Variants in TMEM108 observed in about 807,000 individuals in gnomAD.
TMEM108 encodes the protein transmembrane protein 108, also known as cancer/testis antigen 124.
TMEM108 carries 12 observed loss-of-function variants against 35.1 expected under a neutral mutation model. The ratio of observed to expected loss-of-function variants is 0.34; its 90% CI spans 0.22 to 0.55. The LOEUF is 0.55. Ranked by LOEUF, TMEM108 falls within the 20% of genes least tolerant of loss-of-function variation. TMEM108 has a pLI of 0.89. For synonymous variants in TMEM108, 287 were observed against 308.6 expected (o/e 0.93, Z 0.73); for missense variants, 680 against 753.3 (o/e 0.90, Z 1.14).
intron 4 of TMEM108, chr3:133,388,468 A>C (rs2073186966): frequency 1.0e-6 from 1 of 985,290 alleles, no homozygotes; most frequent in South Asian, 4.7e-5. Context: ...CCATCTGAAG[A>C]AAGGGTTTTT....
In TMEM108 at chr3:133,169,984, T is replaced by C. The variant is rs1945105903; in HGVS notation, c.-46-59282T>C. On this transcript the variant is annotated intron_variant, in intron 2 of 5. Transcript: ENST00000321871. ...TTTATTTTCTTGGGTTCATTAACAA[T>C]GCATTCATTATTTCAGTACTGCTCT... Among the ~76,000 whole-genome samples, 3 of 152,298 alleles carry C rather than the reference T, an allele frequency of 2.0e-5. No individual in the cohort carries two copies. In the South Asian group the frequency reaches 6.2e-4, roughly 32 times the overall value.
intron 2 of TMEM108, among the ~76,000 whole-genome samples, chr3:133,103,693 T>C (rs1431904814): frequency 6.6e-6 from 1 of 152,186 alleles, no homozygotes; most frequent in Non-Finnish European, 1.5e-5. Context: ...CAGAATCCGC[T>C]TTCTGGGCCT....
chr3:133,334,433 T>C (rs2071451815), intron 3 of TMEM108, among the ~76,000 whole-genome samples: 1 of 152,158 alleles, frequency 6.6e-6, no homozygotes, highest in Non-Finnish European at 1.5e-5. Context: ...GCTGAGCTTT[T>C]AAAAAATTGA....
intron 3 of TMEM108, among the ~76,000 whole-genome samples, chr3:133,251,673 G>A (rs1300439378): frequency 6.6e-6 from 1 of 152,114 alleles, no homozygotes. Context: ...CTGACTAGAA[G>A]TGATACATAT....
chr3:133,051,479 G>A (rs905282997), intron 2 of TMEM108, among the ~76,000 whole-genome samples: 2 of 151,788 alleles, frequency 1.3e-5, no homozygotes, highest in East Asian at 3.9e-4. Context: ...TTATTCTCTT[G>A]ACCTGATGTT....
chr3:133,073,767 A>T (rs1001374097), intron 2 of TMEM108, among the ~76,000 whole-genome samples: 54 of 151,904 alleles, frequency 3.6e-4, no homozygotes, highest in African/African-American at 1.2e-3. Context: ...ATTAATTTAC[A>T]TTCCCACCAA....
chr3:133,224,195 C>T (rs1468892904), intron 2 of TMEM108, among the ~76,000 whole-genome samples: 1 of 152,128 alleles, frequency 6.6e-6, no homozygotes, highest in Non-Finnish European at 1.5e-5. Flanking sequence ...TTATTGAATG[C>T]CTACCACATT....
At chr3:133,313,255 T>C (rs1044161507) in intron 3 of TMEM108, among the ~76,000 whole-genome samples, 13 of 151,892 alleles carry the variant, frequency 8.6e-5, no homozygotes, top group African/African-American at 3.1e-4. Flanking sequence ...TGGAGTGCAG[T>C]GGTGCGATCT....
chr3:133,116,699 T>C (rs1233498107), intron 2 of TMEM108, among the ~76,000 whole-genome samples: 1 of 152,226 alleles, frequency 6.6e-6, no homozygotes, highest in Admixed American at 6.5e-5. Context: ...CCAAGCGCTC[T>C]TGTTGTCAAC....
chr3:133,322,152 C>T (rs6775585), intron 3 of TMEM108, among the ~76,000 whole-genome samples: 48,791 of 151,694 alleles, frequency 0.32, 8,580 homozygotes, highest in East Asian at 0.48. Context: ...AACCCAAACC[C>T]GGCAGAAGAA....
chr3:133,267,080 CAAA>C (rs567345267), intron 3 of TMEM108, among the ~76,000 whole-genome samples: 3 of 115,910 alleles, frequency 2.6e-5, no homozygotes. Flanking sequence ...GACTCCACCT[CAAA>C]AAAAAAAAAA....
intron 2 of TMEM108, among the ~76,000 whole-genome samples, chr3:133,138,466 C>T (rs1944595664): frequency 6.6e-6 from 1 of 152,150 alleles, no homozygotes. Flanking sequence ...AACACAAATC[C>T]ATAAACTTTC....
intron 1 of TMEM108, among the ~76,000 whole-genome samples, chr3:133,045,130 G>A (rs941816459): frequency 6.6e-6 from 1 of 152,046 alleles, no homozygotes; most frequent in Non-Finnish European, 1.5e-5. Flanking sequence ...ACCATGCCCG[G>A]CTAATTTTTT....
chr3:133,300,674 A>G (rs1291117342), intron 3 of TMEM108, among the ~76,000 whole-genome samples: 1 of 152,032 alleles, frequency 6.6e-6, no homozygotes, highest in Non-Finnish European at 1.5e-5. Context: ...AGTTTGAATG[A>G]TTTTAGTGGG....
At chr3:133,113,173 T>G (rs974506045) in intron 2 of TMEM108, among the ~76,000 whole-genome samples, 1 of 152,146 alleles carries the variant, frequency 6.6e-6, no homozygotes. Context: ...GCAATGTGAA[T>G]GGATGGGTGG....
chr3:133,346,004 C>T lies in TMEM108; in HGVS notation c.41-33748C>T, dbSNP rs529395007. On this transcript the variant is annotated intron_variant, in intron 3 of 5. Transcript: ENST00000321871. The surrounding 1 kb of genome is among the most constrained non-coding windows in gnomAD (Gnocchi z 4.0). ...TATTGCTGAATAATATTTCATCATA[C>T]GGATGTACCACAGTTTCTGTGTTCG... 2.6e-5 allele frequency among the ~76,000 whole-genome samples: 4 copies of T among 151,834 alleles called. No homozygotes were observed. Among genetic ancestry groups the T allele is most frequent in the Admixed American group, 2.0e-4 (3 of 15,220 alleles).
At chr3:133,165,505 G>C (rs969518170) in intron 2 of TMEM108, among the ~76,000 whole-genome samples, 2 of 152,136 alleles carry the variant, frequency 1.3e-5, no homozygotes, top group Non-Finnish European at 2.9e-5. Flanking sequence ...GAAAAAAAAA[G>C]ACTATAGACT....
At chr3:133,147,868 G>A (rs1290005860) in intron 2 of TMEM108, among the ~76,000 whole-genome samples, 1 of 151,976 alleles carries the variant, frequency 6.6e-6, no homozygotes, top group Non-Finnish European at 1.5e-5. Flanking sequence ...AGAAATATCA[G>A]TATGAACTCC....
intron 3 of TMEM108, among the ~76,000 whole-genome samples, chr3:133,317,742 G>T (rs961381744): frequency 3.3e-5 from 5 of 152,130 alleles, no homozygotes; most frequent in African/African-American, 1.2e-4. Context: ...CTTTCTATAT[G>T]CCAGACACCA....
Sources: allele counts gnomAD v4.1 joint callset (sites outside exome capture counted in the v4.1 genomes callset), GRCh38; gene constraint gnomAD v4.1.1; non-coding constraint Gnocchi (gnomAD v3.1); transcripts MANE v1.5; gene names NCBI Gene and HGNC (gene_info 2026-07-23, HGNC 2026-07-21).